Variants in TTC6 observed in about 807,000 individuals in gnomAD.
The protein encoded by TTC6 is tetratricopeptide repeat domain 6.
Under a neutral mutation model 210.4 loss-of-function variants are expected in TTC6, and 172 were observed. That is an observed-to-expected ratio of 0.82 (90% CI 0.72 to 0.93). The LOEUF is 0.93. Among genes scored for constraint, TTC6 ranks in the 40% least tolerant of loss-of-function variants. TTC6 has a pLI of 0.00. For missense variants in TTC6, 2,414 were observed against 2,318.1 expected (o/e 1.04, Z -0.85); for synonymous variants, 804 against 819.6 (o/e 0.98, Z 0.32).
chr14:37,715,388 C>G (rs934850649), intron 6 of TTC6, among the ~76,000 whole-genome samples: 1 of 151,884 alleles, frequency 6.6e-6, no homozygotes, highest in African/African-American at 2.4e-5. Flanking sequence ...GATTCAGGAG[C>G]CTGAGCAAAT....
intron 25 of TTC6, among the ~76,000 whole-genome samples, chr14:37,814,168 A>T (rs549133336): frequency 2.0e-5 from 3 of 152,316 alleles, no homozygotes; most frequent in Non-Finnish European, 4.4e-5. Context: ...ACCTTACTTG[A>T]TATGACTGCT....
intron 14 of TTC6, among the ~76,000 whole-genome samples, chr14:37,773,021 A>T (rs1275433553): frequency 2.0e-5 from 3 of 152,064 alleles, no homozygotes; most frequent in Non-Finnish European, 2.9e-5. Flanking sequence ...GCATTTTTTC[A>T]TATGCTTATT....
chr14:37,787,170 G>A (rs1237441962), intron 14 of TTC6, among the ~76,000 whole-genome samples: 1 of 152,054 alleles, frequency 6.6e-6, no homozygotes, highest in Non-Finnish European at 1.5e-5. Flanking sequence ...AATAATAAAT[G>A]TCATACTTAT....
intron 1 of TTC6, among the ~76,000 whole-genome samples, chr14:37,656,976 G>A (rs1270643179): frequency 2.6e-5 from 4 of 152,018 alleles, no homozygotes; most frequent in East Asian, 3.9e-4. Context: ...TTGGGAGGCC[G>A]AGGCGGGTGG....
intron 12 of TTC6, 135 bp downstream of exon 14, chr14:37,749,978 C>T (rs1019104145): frequency 1.9e-5 from 10 of 514,820 alleles, no homozygotes; most frequent in Admixed American, 4.7e-5. Flanking sequence ...TTTTTTTACT[C>T]TTGTTATTGT....
chr14:37,768,463 C>T (rs1305830274), intron 14 of TTC6, among the ~76,000 whole-genome samples: 3 of 152,076 alleles, frequency 2.0e-5, no homozygotes, highest in African/African-American at 4.8e-5. Flanking sequence ...TGTTTGTATC[C>T]TCTTTTATTT....
At chr14:37,671,001 T>C (rs966861556) in intron 1 of TTC6, among the ~76,000 whole-genome samples, 1 of 152,202 alleles carries the variant, frequency 6.6e-6, no homozygotes, top group Admixed American at 6.5e-5. Flanking sequence ...CCCCAAAATT[T>C]AGCAGCTTAA....
intron 5 of TTC6, among the ~76,000 whole-genome samples, chr14:37,702,933 A>G (rs2095828319): frequency 6.6e-6 from 1 of 152,140 alleles, no homozygotes; most frequent in Non-Finnish European, 1.5e-5. Context: ...TTTGTCAGTC[A>G]TAATTTTATA....
intron 1 of TTC6, among the ~76,000 whole-genome samples, chr14:37,604,192 G>C (rs548350321): frequency 6.6e-6 from 1 of 152,122 alleles, no homozygotes; most frequent in East Asian, 1.9e-4. Flanking sequence ...CTGGGCTGCC[G>C]GGGGGCGGAG....
chr14:37,705,103 T>C (rs2095832829), intron 5 of TTC6, among the ~76,000 whole-genome samples: 1 of 152,102 alleles, frequency 6.6e-6, no homozygotes, highest in South Asian at 2.1e-4. Context: ...AAACATTGGC[T>C]GACCTTCTCA....
intron 1 of TTC6, among the ~76,000 whole-genome samples, chr14:37,665,460 A>G (rs189930651): frequency 6.6e-6 from 1 of 150,418 alleles, no homozygotes; most frequent in East Asian, 1.9e-4. Context: ...GAACACATGG[A>G]CACATTGAGG....
At chr14:37,621,455 T>G (rs1398657900), upstream of TTC6, among the ~76,000 whole-genome samples, 1 of 151,740 alleles carries the variant, frequency 6.6e-6, no homozygotes, top group Non-Finnish European at 1.5e-5. Flanking sequence ...TACAAAAAAT[T>G]AAAGTATTAG....
chr14:37,699,624 A>G (rs1161712054), intron 4 of TTC6, among the ~76,000 whole-genome samples: 1 of 152,190 alleles, frequency 6.6e-6, no homozygotes, highest in Non-Finnish European at 1.5e-5. Flanking sequence ...GCCGTGCTCA[A>G]CCCAACTGGT....
At chr14:37,689,469 G>A (rs1379277072) in intron 3 of TTC6, among the ~76,000 whole-genome samples, 1 of 151,940 alleles carries the variant, frequency 6.6e-6, no homozygotes, top group Non-Finnish European at 1.5e-5. Flanking sequence ...GTACAAGAAG[G>A]CTATAGAACA....
chr14:37,729,244 A>T (rs1182829136), intron 7 of TTC6, among the ~76,000 whole-genome samples: 1 of 152,176 alleles, frequency 6.6e-6, no homozygotes, highest in Non-Finnish European at 1.5e-5. Context: ...ATTGTTTTTG[A>T]AAAATATGTC....
At chr14:37,810,383 A>C (rs1396636128) in intron 24 of TTC6, among the ~76,000 whole-genome samples, 3 of 152,234 alleles carry the variant, frequency 2.0e-5, no homozygotes, top group African/African-American at 7.2e-5. Flanking sequence ...GTTAATTAAG[A>C]AAATGCAAAA....
intron 2 of TTC6, among the ~76,000 whole-genome samples, chr14:37,615,069 CT>C (rs1165332393): frequency 1.3e-5 from 2 of 152,222 alleles, no homozygotes; most frequent in Non-Finnish European, 2.9e-5. Context: ...TAAAAAAAAT[CT>C]TTTAGCATGT....
intron 1 of TTC6, among the ~76,000 whole-genome samples, chr14:37,666,418 G>T (rs1232424946): frequency 7.0e-6 from 1 of 143,650 alleles, no homozygotes; most frequent in Admixed American, 7.0e-5. Flanking sequence ...TTTGAGACCA[G>T]CCTGAGCAAC....
chr14:37,814,815 A>C (rs115155756), intron 25 of TTC6, among the ~76,000 whole-genome samples: 93 of 152,304 alleles, frequency 6.1e-4, no homozygotes, highest in African/African-American at 2.2e-3. Flanking sequence ...TATAAGACTG[A>C]GTAATTAGAG....
Sources: allele counts gnomAD v4.1 joint callset (sites outside exome capture counted in the v4.1 genomes callset), GRCh38; gene constraint gnomAD v4.1.1; transcripts MANE v1.5; gene names NCBI Gene and HGNC (gene_info 2026-07-23, HGNC 2026-07-21).